CSMD1: variants seen among roughly 807,000 people sequenced by gnomAD.
CSMD1 encodes the protein CUB and sushi domain-containing protein 1.
Under a neutral mutation model 417.5 loss-of-function variants are expected in CSMD1, and 213 were observed. That is an observed-to-expected ratio of 0.51 (90% CI 0.46 to 0.57). CSMD1 has a LOEUF of 0.57. CSMD1 is among the 20% of genes least tolerant of loss of function. The pLI is 0.00. For synonymous variants in CSMD1, 2,862 were observed against 1,736.8 expected, an observed-to-expected ratio of 1.65 and a Z score of -16.11; for missense variants, 6,923 against 4,529.7, an observed-to-expected ratio of 1.53 and a Z score of -15.17.
intron 1 of CSMD1, among the ~76,000 whole-genome samples, chr8:4,867,422 C>T (rs183899915): frequency 2.0e-5 from 3 of 151,934 alleles, no homozygotes; most frequent in Non-Finnish European, 4.4e-5. Context: ...TTAAATACAC[C>T]CCTGTAAATA....
intron 2 of CSMD1, among the ~76,000 whole-genome samples, chr8:4,619,222 C>T (rs1355949082): frequency 6.6e-6 from 1 of 152,062 alleles, no homozygotes; most frequent in Non-Finnish European, 1.5e-5. Flanking sequence ...ACCACCACCC[C>T]AAATAGTTTT....
intron 47 of CSMD1, among the ~76,000 whole-genome samples, chr8:3,093,757 C>CA (rs746688865): frequency 6.6e-6 from 1 of 151,890 alleles, no homozygotes; most frequent in Non-Finnish European, 1.5e-5. Flanking sequence ...AACAAACGAA[C>CA]AAAAAACCAC....
At chr8:3,684,981 A>G (rs1338047677) in intron 7 of CSMD1, among the ~76,000 whole-genome samples, 4 of 152,168 alleles carry the variant, frequency 2.6e-5, no homozygotes, top group Non-Finnish European at 4.4e-5. Context: ...AGGAAAGTCA[A>G]TACGGGAATC....
At chr8:4,780,402 G>C (rs185652381) in intron 1 of CSMD1, among the ~76,000 whole-genome samples, 4 of 150,806 alleles carry the variant, frequency 2.7e-5, no homozygotes, top group Non-Finnish European at 5.9e-5. Flanking sequence ...AGTTCATTCT[G>C]ATTGATCAGT....
At chr8:4,221,451 T>G (rs537025776) in intron 3 of CSMD1, among the ~76,000 whole-genome samples, 314 of 151,748 alleles carry the variant, frequency 2.1e-3, no homozygotes, top group African/African-American at 7.2e-3. Flanking sequence ...CAACTGGAAC[T>G]GACTTAGCAG....
chr8:4,424,381 G>A (rs1797423991), intron 2 of CSMD1, among the ~76,000 whole-genome samples: 1 of 151,358 alleles, frequency 6.6e-6, no homozygotes, highest in Admixed American at 6.6e-5. Context: ...TAGGCAACAA[G>A]CAGAAAAGTC....
chr8:4,098,978 A>C (rs1585310473), intron 3 of CSMD1, among the ~76,000 whole-genome samples: 1 of 152,326 alleles, frequency 6.6e-6, no homozygotes, highest in Admixed American at 6.5e-5. Context: ...AAGAGGTAAG[A>C]ATACACATGA....
chr8:3,508,487 C>T (rs1039039644), intron 10 of CSMD1, among the ~76,000 whole-genome samples: 6 of 148,674 alleles, frequency 4.0e-5, no homozygotes, highest in African/African-American at 1.5e-4. Flanking sequence ...GCACATGTAC[C>T]CTAGAACTTA....
At chr8:4,525,227 T>C (rs1796453778) in intron 2 of CSMD1, among the ~76,000 whole-genome samples, 1 of 152,234 alleles carries the variant, frequency 6.6e-6, no homozygotes, top group South Asian at 2.1e-4. Context: ...GAAGTGGTCC[T>C]TTAGAGAAAA....
intron 3 of CSMD1, among the ~76,000 whole-genome samples, chr8:4,175,278 G>A (rs1020410430): frequency 5.3e-5 from 8 of 152,138 alleles, no homozygotes; most frequent in South Asian, 4.1e-4. Flanking sequence ...TATCTCTGCT[G>A]ATGGGTCATA....
chr8:4,103,260 A>AT (rs1482187236), intron 3 of CSMD1, among the ~76,000 whole-genome samples: 3 of 9,730 alleles, frequency 3.1e-4, no homozygotes, highest in East Asian at 4.7e-3. Context: ...CAGTGTATAC[A>AT]TACATTATAT....
At chr8:3,544,488 C>T (rs1798573804) in intron 10 of CSMD1, among the ~76,000 whole-genome samples, 1 of 152,104 alleles carries the variant, frequency 6.6e-6, no homozygotes, top group African/African-American at 2.4e-5. Context: ...TGCTCTTTCC[C>T]AGTTGACGTT....
chr8:3,390,051 T>C (rs891827455), intron 17 of CSMD1, among the ~76,000 whole-genome samples: 1 of 151,844 alleles, frequency 6.6e-6, no homozygotes, highest in African/African-American at 2.4e-5. Context: ...AAGAAAATGG[T>C]GAGAAAGAAC....
At chr8:3,979,195 G>C (rs2130162096) in intron 5 of CSMD1, among the ~76,000 whole-genome samples, 1 of 152,320 alleles carries the variant, frequency 6.6e-6, no homozygotes, top group East Asian at 1.9e-4. Flanking sequence ...AACAGACAGG[G>C]ACAGCCAAAT....
chr8:3,196,889 A>G (rs1796735454), intron 33 of CSMD1, among the ~76,000 whole-genome samples: 1 of 152,158 alleles, frequency 6.6e-6, no homozygotes, highest in Admixed American at 6.5e-5. Flanking sequence ...AGCTCCTGGC[A>G]AGTGCTGGCT....
chr8:3,873,232 T>C (rs912021500), intron 5 of CSMD1, among the ~76,000 whole-genome samples: 6 of 152,184 alleles, frequency 3.9e-5, no homozygotes, highest in Admixed American at 3.3e-4. Flanking sequence ...GCAATCATTC[T>C]ATCATAAAGA....
chr8:3,257,953 A>T (rs1336075853), intron 26 of CSMD1, among the ~76,000 whole-genome samples: 1 of 152,192 alleles, frequency 6.6e-6, no homozygotes, highest in Non-Finnish European at 1.5e-5. Context: ...TGTTCAGGAC[A>T]GACCATGGAG....
chr8:3,847,446 G>A (rs1454565047), intron 5 of CSMD1, among the ~76,000 whole-genome samples: 1 of 152,022 alleles, frequency 6.6e-6, no homozygotes, highest in East Asian at 1.9e-4. Context: ...GCAGTTTTGG[G>A]GTCCTGAGCA....
intron 5 of CSMD1, among the ~76,000 whole-genome samples, chr8:3,996,201 A>G (rs1419260487): frequency 6.6e-6 from 1 of 152,122 alleles, no homozygotes; most frequent in Admixed American, 6.6e-5. Flanking sequence ...CTCTCTCCCA[A>G]CCTGACATCT....
Sources: gnomAD v4.1 joint callset for allele counts (sites outside exome capture counted in the v4.1 genomes callset) on GRCh38, gnomAD v4.1.1 for gene constraint, MANE v1.5 for transcripts, NCBI Gene and HGNC (gene_info 2026-07-23, HGNC 2026-07-21) for gene names.